Variants in RBFOX1 observed in about 807,000 individuals in gnomAD.
RBFOX1 encodes the protein RNA binding fox-1 homolog 1.
Under a neutral mutation model 57.7 loss-of-function variants are expected in RBFOX1, and 8 were observed. The ratio of observed to expected loss-of-function variants is 0.14; its 90% confidence interval spans 0.08 to 0.25. The LOEUF (loss-of-function observed/expected upper bound fraction) is 0.25, where lower values mean the gene tolerates loss of function less well. Among genes scored for constraint, RBFOX1 ranks in the 10% least tolerant of loss-of-function variants. RBFOX1 has a pLI of 1.00. For missense variants in RBFOX1, 611 were observed against 548.5 expected (o/e 1.11, Z -1.14); for synonymous variants, 326 against 222.4 (o/e 1.47, Z -4.15).
At chr16:7,565,320 TAC>T (rs1282100988) in intron 5 of RBFOX1, among the ~76,000 whole-genome samples, 3 of 152,198 alleles carry the variant, frequency 2.0e-5, no homozygotes, top group African/African-American at 7.2e-5. Context: ...TCAATATAGT[TAC>T]ATTTTTGCTT....
chr16:7,416,254 C>G (rs919016861), intron 4 of RBFOX1, among the ~76,000 whole-genome samples: 1 of 152,238 alleles, frequency 6.6e-6, no homozygotes, highest in African/African-American at 2.4e-5. Context: ...TCCCCTCGCT[C>G]TCCCTTTCTG....
intron 3 of RBFOX1, among the ~76,000 whole-genome samples, chr16:7,023,375 G>C (rs377273806): frequency 4.0e-5 from 6 of 151,256 alleles, no homozygotes; most frequent in Admixed American, 2.6e-4. Flanking sequence ...CAGGAGAATT[G>C]CTTGAACCCA....
intron 3 of RBFOX1, among the ~76,000 whole-genome samples, chr16:6,655,753 C>A (rs1308915760): frequency 6.6e-6 from 1 of 152,106 alleles, no homozygotes; most frequent in African/African-American, 2.4e-5. Flanking sequence ...TGACATCGTT[C>A]CACAAGTTTG....
At chr16:5,899,031 A>C (rs1202667180) in intron 4 of RBFOX1, among the ~76,000 whole-genome samples, 2 of 151,288 alleles carry the variant, frequency 1.3e-5, no homozygotes, top group Admixed American at 6.6e-5. Context: ...AGTGAGCCTC[A>C]CTGCTTTTAG....
intron 14 of RBFOX1, among the ~76,000 whole-genome samples, chr16:7,701,347 TCTCA>T (rs1177771476): frequency 1.3e-5 from 2 of 152,182 alleles, no homozygotes; most frequent in East Asian, 1.9e-4. Flanking sequence ...AGCCGCCCCC[TCTCA>T]CTCACATTCC....
At chr16:5,486,459 G>C (rs1360920250) in intron 2 of RBFOX1, among the ~76,000 whole-genome samples, 1 of 152,228 alleles carries the variant, frequency 6.6e-6, no homozygotes, top group Non-Finnish European at 1.5e-5. Context: ...AGAGTGATCT[G>C]TTTTGAGTGT....
At chr16:6,718,625 G>A (rs146833956) in intron 3 of RBFOX1, among the ~76,000 whole-genome samples, 65 of 152,248 alleles carry the variant, frequency 4.3e-4, no homozygotes, top group Admixed American at 3.3e-3. Context: ...GGAGGAGCCT[G>A]GTGGGAGGCA....
chr16:6,906,804 C>T (rs542296577), intron 3 of RBFOX1, among the ~76,000 whole-genome samples: 1 of 151,020 alleles, frequency 6.6e-6, no homozygotes, highest in East Asian at 2.0e-4. Flanking sequence ...CTCACTGCAA[C>T]CTCTACCTCC....
At chr16:6,759,645 A>C (rs536887244) in intron 3 of RBFOX1, among the ~76,000 whole-genome samples, 5 of 152,098 alleles carry the variant, frequency 3.3e-5, no homozygotes, top group African/African-American at 1.2e-4. Context: ...ATTTAGGTCT[A>C]TTACTTGTTT....
intron 2 of RBFOX1, among the ~76,000 whole-genome samples, chr16:6,569,627 T>G (rs144523239): frequency 6.6e-6 from 1 of 152,220 alleles, no homozygotes; most frequent in Non-Finnish European, 1.5e-5. Context: ...TGCAGAAGTT[T>G]CATGGGCTCT....
Position 6,915,652 on chromosome 16 carries a change from G to A in RBFOX1, c.-15-136405G>A, listed in dbSNP as rs192963905. Among the ~76,000 whole-genome samples, 323 of 149,988 alleles carry A rather than the reference G, an allele frequency of 2.2e-3. 1 individual carries two copies. The highest frequency in any genetic ancestry group is 8.0e-3 in the South Asian group (38 of 4,728). Reference sequence around the variant, plus strand: ...TGCAACCTCTGCCTCTCGGGTTCAAGTGATCCTCCTGCCTCAGCCTTCAGA... The same window carrying A: ...TGCAACCTCTGCCTCTCGGGTTCAAATGATCCTCCTGCCTCAGCCTTCAGA... On this transcript the variant is annotated intron_variant, in intron 3 of 15. Coordinates refer to ENST00000550418, the MANE Select transcript of RBFOX1 (RefSeq NM_018723.4).
intron 4 of RBFOX1, among the ~76,000 whole-genome samples, chr16:5,938,807 G>C (rs112025078): frequency 5.3e-5 from 8 of 152,270 alleles, no homozygotes; most frequent in African/African-American, 1.9e-4. Flanking sequence ...GCTGAAAACA[G>C]ATGAACCACT....
intron 14 of RBFOX1, among the ~76,000 whole-genome samples, chr16:7,693,938 G>A (rs887124378): frequency 6.6e-6 from 1 of 152,176 alleles, no homozygotes; most frequent in East Asian, 1.9e-4. Flanking sequence ...GACTTAGAGA[G>A]ACCAGGTCTT....
At chr16:6,612,922 A>G (rs1222811742) in intron 2 of RBFOX1, among the ~76,000 whole-genome samples, 1 of 151,968 alleles carries the variant, frequency 6.6e-6, no homozygotes, top group East Asian at 1.9e-4. Context: ...CTGAAAGTGA[A>G]GATTACCAAA....
intron 1 of RBFOX1, among the ~76,000 whole-genome samples, chr16:5,392,794 C>G (rs938579394): frequency 1.3e-5 from 2 of 152,134 alleles, no homozygotes; most frequent in Non-Finnish European, 2.9e-5. Flanking sequence ...CTGTTGTACA[C>G]TCGCCCCTGA....
intron 1 of RBFOX1, among the ~76,000 whole-genome samples, chr16:6,309,386 A>G (rs908850281): frequency 2.0e-4 from 31 of 152,172 alleles, no homozygotes; most frequent in African/African-American, 7.5e-4. Context: ...TCCTTCTGAC[A>G]GACAGTGCAA....
rs200121160 is a variant in RBFOX1 at position 6,310,901 on chromosome 16, T to TAA, written c.-126-6076_-126-6075dup. Among the ~76,000 whole-genome samples, 89 of 140,554 alleles carry TAA rather than the reference T, an allele frequency of 6.3e-4. 1 individual carries two copies. The highest frequency in any genetic ancestry group is 2.1e-3 in the African/African-American group (83 of 38,922). 92.2% of individuals were successfully genotyped at this position (140,554 alleles called of 152,430 possible). ...AACAGGTGCAAATTTACCAGTGGTT[T>TAA]AAAAAAAAAAAAAAAAAAAGAACAG... On this transcript the variant is annotated intron_variant, in intron 1 of 15. Coordinates refer to ENST00000550418, the MANE Select transcript of RBFOX1 (RefSeq NM_018723.4).
chr16:5,948,344 C>T (rs530987700), intron 4 of RBFOX1, among the ~76,000 whole-genome samples: 6 of 152,292 alleles, frequency 3.9e-5, no homozygotes, highest in South Asian at 2.1e-4. Flanking sequence ...GGCTCCTGGC[C>T]ATCTTCTCCT....
chr16:7,336,759 T>C (rs2144803407), intron 4 of RBFOX1, among the ~76,000 whole-genome samples: 1 of 152,352 alleles, frequency 6.6e-6, no homozygotes, highest in East Asian at 1.9e-4. Flanking sequence ...GCAGTATTTG[T>C]CCACCTTCCT....
Sources: allele counts gnomAD v4.1 joint callset (sites outside exome capture counted in the v4.1 genomes callset), GRCh38; gene constraint gnomAD v4.1.1; transcripts MANE v1.5; gene names NCBI Gene and HGNC (gene_info 2026-07-23, HGNC 2026-07-21).